GINS3: variants seen among roughly 807,000 people sequenced by gnomAD.
GINS3 encodes DNA replication complex GINS protein PSF3.
GINS3 carries 18 observed loss-of-function variants against 20.0 expected under a neutral mutation model. That is an observed-to-expected ratio of 0.90 (90% CI 0.62 to 1.33). The LOEUF (loss-of-function observed/expected upper bound fraction) is 1.33. GINS3 is among the 40% of genes most tolerant of loss of function. The probability of loss-of-function intolerance (pLI) is 0.00; values close to 1 mark genes in which losing one functional copy is unlikely to be tolerated. For missense variants in GINS3, 254 were observed against 273.6 expected, an observed-to-expected ratio of 0.93 and a Z score of 0.51; for synonymous variants, 109 against 107.0, an observed-to-expected ratio of 1.02 and a Z score of -0.12.
chr16:58,399,280 C>G (rs1965923458), intron 1 of GINS3, among the ~76,000 whole-genome samples: 1 of 148,590 alleles, frequency 6.7e-6, no homozygotes, highest in South Asian at 2.2e-4. Flanking sequence ...GAACAGGACC[C>G]CCTCTCTGAA....
chr16:58,397,722 A>C (rs1965900078), intron 1 of GINS3, among the ~76,000 whole-genome samples: 1 of 152,164 alleles, frequency 6.6e-6, no homozygotes, highest in Admixed American at 6.5e-5. Context: ...CAGGAGAATC[A>C]GGCAGGGAGG....
At chr16:58,395,052 C>A in intron 1 of GINS3, 4 of 524,456 alleles carry the variant, frequency 7.6e-6, no homozygotes, top group South Asian at 2.6e-5. Flanking sequence ...TGGTTTTTAA[C>A]TAAAACTTTG....
chr16:58,397,135 A>G (rs144662273), intron 1 of GINS3, among the ~76,000 whole-genome samples: 29,766 of 147,638 alleles, frequency 0.2, 4,038 homozygotes, highest in African/African-American at 0.41. Context: ...CAGACGGTGT[A>G]GCTGCCGGGC....
chr16:58,396,216 C>T (rs1965854700), intron 1 of GINS3, among the ~76,000 whole-genome samples: 1 of 126,486 alleles, frequency 7.9e-6, no homozygotes, highest in African/African-American at 3.2e-5. Flanking sequence ...GGCGGCCGGG[C>T]AGAGGCGCCC....
At chr16:58,397,538 A>G (rs62042603) in intron 1 of GINS3, among the ~76,000 whole-genome samples, 1 of 152,004 alleles carries the variant, frequency 6.6e-6, no homozygotes, top group Admixed American at 6.6e-5. Flanking sequence ...AGTGAACGTG[A>G]CTCCGTCTGC....
chr16:58,392,702 T>C lies in GINS3; in HGVS notation c.101T>C (p.Val34Ala), dbSNP rs772185636. The C allele has an allele frequency of 4.3e-6, 7 of 1,614,238 alleles. No homozygotes were observed. In the South Asian group the frequency reaches 7.7e-5, roughly 18 times the overall value. Residue 34 changes from valine (V) to alanine (A), a missense_variant, in exon 1 of 3, where the codon GTG becomes GCG. Physicochemically the swap from Val to Ala is moderately conservative, Grantham distance 64. Coordinates refer to ENST00000318129, the MANE Select transcript of GINS3 (RefSeq NM_022770.4). ...CTGATGTCCCACGAGAAGCTGCCGG[T>C]GCGCACGGAGACCGCCATGCCTCGC... ...DILMSHEKLP[V>A]RTETAMPRLG... is the part of the protein sequence containing the mutation.
At chr16:58,400,737 T>C (rs2151494342) in intron 1 of GINS3, among the ~76,000 whole-genome samples, 1 of 152,260 alleles carries the variant, frequency 6.6e-6, no homozygotes, top group Admixed American at 6.5e-5. Flanking sequence ...ACAGTTATGT[T>C]CTTTTAGCAC....
intron 1 of GINS3, among the ~76,000 whole-genome samples, chr16:58,394,326 G>A (rs1326988372): frequency 6.6e-6 from 1 of 151,848 alleles, no homozygotes; most frequent in African/African-American, 2.4e-5. Flanking sequence ...TTGGTTTGGG[G>A]GTAGTTTTGT....
Position 58,404,948 on chromosome 16 carries a change from A to G in GINS3, c.*219A>G, listed in dbSNP as rs575285614. The G allele has an allele frequency of 8.1e-5, 44 of 543,476 alleles. No individual in the cohort carries two copies. The East Asian group carries it at 1.2e-3, about 14-fold the overall frequency. 33.7% of individuals were successfully genotyped at this position (543,476 alleles called of 1,614,324 possible). On this transcript the variant is annotated 3_prime_UTR_variant, in exon 3 of 3. Transcript: ENST00000318129. ...GTCCCACCCTGCTGACCCACAGCCCAGGCCCTTTAACCCAAGAACCCATGG... is the reference window on the plus strand; with the variant it reads ...GTCCCACCCTGCTGACCCACAGCCCGGGCCCTTTAACCCAAGAACCCATGG...
chr16:58,401,868 T>TA (rs1394371014), intron 1 of GINS3, among the ~76,000 whole-genome samples: 3 of 152,084 alleles, frequency 2.0e-5, no homozygotes, highest in Non-Finnish European at 4.4e-5. Flanking sequence ...GTTGTGATTT[T>TA]ATTAGTATTT....
chr16:58,397,100 C>T (rs112957465), intron 1 of GINS3, among the ~76,000 whole-genome samples: 1,961 of 151,924 alleles, frequency 0.013, 9 homozygotes, highest in Non-Finnish European at 0.021. Context: ...GGGGTGGCTG[C>T]CGGGCGGAGA....
At chr16:58,393,828 CAA>C (rs746322212) in intron 1 of GINS3, among the ~76,000 whole-genome samples, 18 of 55,422 alleles carry the variant, frequency 3.2e-4, no homozygotes, top group Admixed American at 1.4e-3. Context: ...GACTCCATCT[CAA>C]AAAAAAAAAA....
intron 1 of GINS3, among the ~76,000 whole-genome samples, chr16:58,400,526 C>T (rs1473809954): frequency 2.0e-5 from 3 of 152,194 alleles, no homozygotes; most frequent in Non-Finnish European, 4.4e-5. Flanking sequence ...GGCACACTCT[C>T]ATCAGTTCTA....
intron 2 of GINS3, chr16:58,403,539 G>A: frequency 1.9e-6 from 1 of 538,074 alleles, no homozygotes; most frequent in Non-Finnish European, 3.3e-6. Flanking sequence ...AATATGACTT[G>A]TCTGCCACTC....
chr16:58,400,570 C>A (rs2151494263), intron 1 of GINS3, among the ~76,000 whole-genome samples: 1 of 152,300 alleles, frequency 6.6e-6, no homozygotes, highest in East Asian at 1.9e-4. Flanking sequence ...ATCCAAGTTC[C>A]CAAATGCCAA....
In GINS3 at chr16:58,404,623, G is replaced by A. The variant is rs1966003570; in HGVS notation, c.545G>A (p.Gly182Glu). The change falls in exon 3 of 3, where the codon GGA (glycine) becomes GAA (glutamate). Residue 182 changes from glycine to glutamate, a missense_variant. By Grantham distance (98) the Gly-to-Glu change is moderately conservative. Coordinates refer to ENST00000318129, the MANE Select transcript of GINS3 (RefSeq NM_022770.4). ...ERGLFQTGQK[G>E]LNDFQCWEKG... ...GGCTTATTTCAAACAGGGCAGAAAG[G>A]ACTGAATGACTTTCAGTGTTGGGAG... The A allele has an allele frequency of 1.2e-6, 2 of 1,614,056 alleles. No individual in the cohort carries two copies. The highest frequency in any genetic ancestry group is 1.7e-5 in the Admixed American group (1 of 60,024).
rs914391884 is a variant in GINS3, at chr16:58,392,596, G to A, written c.-6G>A. The A allele has an allele frequency of 3.1e-6, 5 of 1,613,396 alleles. No homozygotes were observed. The African/African-American group carries it at 5.3e-5, about 17-fold the overall frequency. ...GAGTGGAAGCGGAGAAGCTCAAGTG[G>A]CCGCCATGTCAGAGGCTTATTTCCG... is the stretch of plus-strand genomic sequence containing the variant. On this transcript the variant is annotated 5_prime_UTR_variant, in exon 1 of 3. Transcript: ENST00000318129.
Position 58,404,678 on chromosome 16 carries a change from C to T in GINS3, c.600C>T (p.Ser200=), listed in dbSNP as rs747678005. ...EKGQASQITA[S]NLVQNYKKRK... ...GGCAGGCTTCTCAGATCACAGCTTC[C>T]AACCTCGTTCAGAATTACAAGAAGA... The change falls in exon 3 of 3, where the codon TCC becomes TCT. Residue 200 remains serine, a synonymous_variant. Transcript: ENST00000318129. The T allele has an allele frequency of 1.3e-5, 21 of 1,614,000 alleles. No individual in the cohort carries two copies. The highest frequency in any genetic ancestry group is 2.7e-5 in the African/African-American group (2 of 74,916).
In GINS3 at chr16:58,403,184, C is replaced by A; in HGVS notation, c.273C>A (p.Ile91=). Reference sequence around the variant, plus strand: ...TCCTTTCTGTGGAACTCCCCAAGATCTACCAAGAGGGTTGGAGGACTGTGT... The same window carrying A: ...TCCTTTCTGTGGAACTCCCCAAGATATACCAAGAGGGTTGGAGGACTGTGT... ...RRILSVELPK[I]YQEGWRTVFS... is the part of the protein sequence containing the mutation. Residue 91 remains isoleucine, a synonymous_variant, in exon 2 of 3, where the codon ATC becomes ATA. Coordinates refer to ENST00000318129, the MANE Select transcript of GINS3 (RefSeq NM_022770.4). 1 of 1,614,190 alleles carries A rather than the reference C, an allele frequency of 6.2e-7. No homozygotes were observed. The highest frequency in any genetic ancestry group is 8.5e-7 in the Non-Finnish European group (1 of 1,180,030).
Sources: gnomAD v4.1 joint callset for allele counts (sites outside exome capture counted in the v4.1 genomes callset) on GRCh38, gnomAD v4.1.1 for gene constraint, MANE v1.5 for transcripts, NCBI Gene and HGNC (gene_info 2026-07-23, HGNC 2026-07-21) for gene names.